Variants in FGFR2 observed in about 807,000 individuals in gnomAD.
FGFR2 encodes the protein BEK fibroblast growth factor receptor.
FGFR2 carries 19 observed loss-of-function variants against 95.9 expected under a neutral mutation model. That is an observed-to-expected ratio of 0.20 (90% CI 0.14 to 0.29). The LOEUF is 0.29. Among genes scored for constraint, FGFR2 ranks in the 10% least tolerant of loss-of-function variants. The probability of loss-of-function intolerance (pLI) is 1.00; values close to 1 mark genes in which losing one functional copy is unlikely to be tolerated. For synonymous variants in FGFR2, 392 were observed against 393.3 expected (o/e 1.00, Z 0.04); for missense variants, 707 against 1,056.9 (o/e 0.67, Z 4.59).
At chr10:121,597,521 C>A (rs929570099) in intron 1 of FGFR2, among the ~76,000 whole-genome samples, 1 of 152,220 alleles carries the variant, frequency 6.6e-6, no homozygotes, top group East Asian at 1.9e-4. Context: ...AAAAAGGGGT[C>A]TCCGCAGGGC....
At chr10:121,480,267 C>G (rs1180142969) in intron 17 of FGFR2, 1 of 572,166 alleles carries the variant, frequency 1.7e-6, no homozygotes, top group Admixed American at 2.8e-5. Flanking sequence ...GTCTGATGTA[C>G]CCCAGGCTGT....
Position 121,517,993 on chromosome 10 carries a change from G to A in FGFR2, c.940-530C>T, listed in dbSNP as rs117480075. On this transcript the variant is annotated intron_variant, in intron 7 of 17. Coordinates refer to ENST00000358487, the MANE Select transcript of FGFR2 (RefSeq NM_000141.5). The surrounding 1 kb of genome is among the most constrained non-coding windows in gnomAD (Gnocchi z 4.7). ...AGGCTCTGGTTATTTTTACTTCTGC[G>A]ATACCATCTTGCCCTACATAGCATT... The A allele has an allele frequency of 0.013, 5,902 of 457,042 alleles. 45 individuals are homozygous for A. Among genetic ancestry groups the A allele is most frequent in the Non-Finnish European group, 0.018 (4,378 of 237,710 alleles). 28.3% of individuals were successfully genotyped at this position (457,042 alleles called of 1,614,324 possible).
At chr10:121,481,563 C>G (rs189275786) in intron 17 of FGFR2, among the ~76,000 whole-genome samples, 1 of 152,112 alleles carries the variant, frequency 6.6e-6, no homozygotes, top group African/African-American at 2.4e-5. Context: ...CAAAAGAGAA[C>G]TTTTTGCTTA....
chr10:121,502,763 T>C (rs998368201), intron 10 of FGFR2, among the ~76,000 whole-genome samples: 1 of 152,182 alleles, frequency 6.6e-6, no homozygotes, highest in Non-Finnish European at 1.5e-5. Flanking sequence ...GTAGTCAGCA[T>C]TTCCACCTTC....
At chr10:121,492,160 G>A (rs773587558) in intron 13 of FGFR2, among the ~76,000 whole-genome samples, 5 of 152,184 alleles carry the variant, frequency 3.3e-5, no homozygotes. Flanking sequence ...AGGTGACAGA[G>A]TGAGACCCTG....
At chr10:121,524,458 C>T (rs1266750722) in intron 6 of FGFR2, among the ~76,000 whole-genome samples, 25 of 152,190 alleles carry the variant, frequency 1.6e-4, no homozygotes. Flanking sequence ...CATTTCTCCA[C>T]ATCAGGCTTT....
chr10:121,565,865 G>A (rs1388372089), intron 2 of FGFR2, 161 bp from the exon 3 acceptor site: 6 of 807,912 alleles, frequency 7.4e-6, no homozygotes, highest in Non-Finnish European at 1.2e-5. Context: ...GCCCCAGGAA[G>A]TCAGGAAGTA....
chr10:121,498,458 G>C (rs567602284), intron 12 of FGFR2, 37 bp downstream of exon 12: 2 of 1,287,768 alleles, frequency 1.6e-6, no homozygotes, highest in Non-Finnish European at 1.1e-6. Flanking sequence ...TCAAACTGCA[G>C]AGTATTTGGG....
intron 6 of FGFR2, chr10:121,538,096 G>A (rs1291468674): frequency 2.2e-5 from 12 of 546,680 alleles, no homozygotes; most frequent in African/African-American, 3.8e-5. Context: ...AATTGGTACC[G>A]TCTAATGACT....
At chr10:121,521,752 T>C (rs78933513) in intron 6 of FGFR2, among the ~76,000 whole-genome samples, 3 of 151,978 alleles carry the variant, frequency 2.0e-5, no homozygotes, top group Non-Finnish European at 4.4e-5. Flanking sequence ...GAAAACAATA[T>C]GGAGGTTCCT....
chr10:121,504,893 A>C (rs1848080795), intron 9 of FGFR2, among the ~76,000 whole-genome samples: 1 of 152,224 alleles, frequency 6.6e-6, no homozygotes, highest in Non-Finnish European at 1.5e-5. Flanking sequence ...ACGCAATCTT[A>C]GTCTGACCAC....
chr10:121,592,604 G>A (rs943448080), intron 2 of FGFR2, among the ~76,000 whole-genome samples: 9 of 152,110 alleles, frequency 5.9e-5, no homozygotes, highest in Non-Finnish European at 8.8e-5. Flanking sequence ...TCAGATGGAC[G>A]CAACCCTCCT....
At chr10:121,512,452 G>C (rs1369325043) in intron 9 of FGFR2, among the ~76,000 whole-genome samples, 1 of 152,134 alleles carries the variant, frequency 6.6e-6, no homozygotes, top group Non-Finnish European at 1.5e-5. Flanking sequence ...CTTTTCCAGG[G>C]AACTGGTATT....
At chr10:121,535,157 TACCAGAAGC>T (rs1324613317) in intron 6 of FGFR2, among the ~76,000 whole-genome samples, 2 of 152,176 alleles carry the variant, frequency 1.3e-5, no homozygotes, top group Non-Finnish European at 2.9e-5. Context: ...CAAGGACAGC[TACCAGAAGC>T]TGGGAGAGGG....
intron 13 of FGFR2, among the ~76,000 whole-genome samples, chr10:121,494,018 C>G: frequency 6.6e-6 from 1 of 152,012 alleles, no homozygotes; most frequent in South Asian, 2.1e-4. Flanking sequence ...CAGCTTTTCT[C>G]GGTGTCTTTG....
At chr10:121,581,046 C>T (rs1261403198) in intron 2 of FGFR2, among the ~76,000 whole-genome samples, 1 of 152,226 alleles carries the variant, frequency 6.6e-6, no homozygotes, top group Non-Finnish European at 1.5e-5. Flanking sequence ...ATCTCTCTGC[C>T]TCCACATTGA....
chr10:121,562,241 C>T (rs1224712826), intron 4 of FGFR2, among the ~76,000 whole-genome samples: 2 of 149,792 alleles, frequency 1.3e-5, no homozygotes, highest in Non-Finnish European at 2.9e-5. Flanking sequence ...ATGTCTGTAG[C>T]AGCTTTATTT....
chr10:121,596,674 G>A (rs1863467371), intron 1 of FGFR2: 1 of 201,320 alleles, frequency 5.0e-6, no homozygotes, highest in South Asian at 1.9e-4. Flanking sequence ...CACTGACCCA[G>A]GACCACAAAG....
At chr10:121,559,888 C>G (rs1055855161) in intron 4 of FGFR2, among the ~76,000 whole-genome samples, 1 of 152,228 alleles carries the variant, frequency 6.6e-6, no homozygotes, top group African/African-American at 2.4e-5. Context: ...GTCATGTAAT[C>G]CATACCTTGC....
Sources: allele counts gnomAD v4.1 joint callset (sites outside exome capture counted in the v4.1 genomes callset), GRCh38; gene constraint gnomAD v4.1.1; non-coding constraint Gnocchi (gnomAD v3.1); transcripts MANE v1.5; gene names NCBI Gene and HGNC (gene_info 2026-07-23, HGNC 2026-07-21).